Variants in ZNF423 observed in about 807,000 individuals in gnomAD.
ZNF423 encodes zinc finger protein 423, also known as Ebf-associated zinc finger protein.
Under a neutral mutation model 95.8 loss-of-function variants are expected in ZNF423, and 12 were observed. The ratio of observed to expected loss-of-function variants is 0.13; its 90% CI spans 0.08 to 0.20. ZNF423 has a LOEUF of 0.20. Among genes scored for constraint, ZNF423 ranks in the 10% least tolerant of loss-of-function variants. ZNF423 has a pLI of 1.00. For missense variants in ZNF423, 1,316 were observed against 1,737.1 expected (o/e 0.76, Z 4.31); for synonymous variants, 749 against 711.9 (o/e 1.05, Z -0.83).
At chr16:49,604,024 GC>G (rs1391248752) in intron 5 of ZNF423, among the ~76,000 whole-genome samples, 1 of 152,186 alleles carries the variant, frequency 6.6e-6, no homozygotes, top group Non-Finnish European at 1.5e-5. Flanking sequence ...GAGACGAAAG[GC>G]CCTTGGGTGT....
rs1311630664 is a variant in ZNF423 at position 49,719,656 on chromosome 16, C to G, written c.301+11115G>C. Among the ~76,000 whole-genome samples the G allele has an allele frequency of 2.0e-5, 3 of 152,124 alleles. No individual in the cohort carries two copies. In the East Asian group the frequency reaches 5.8e-4, roughly 29 times the overall value. Reference sequence around the variant, plus strand: ...TGTTTAAAAGTGTGTGGCACCTCCCCCTCACCCTATCTCTCCTGATTCACC... The same window carrying G: ...TGTTTAAAAGTGTGTGGCACCTCCCGCTCACCCTATCTCTCCTGATTCACC... On this transcript the variant is annotated intron_variant, in intron 3 of 7. Transcript: ENST00000563137.
chr16:49,581,138 G>A (rs141796898), intron 5 of ZNF423, among the ~76,000 whole-genome samples: 147 of 150,946 alleles, frequency 9.7e-4, no homozygotes, highest in Middle Eastern at 6.8e-3. Context: ...AAGAGAGGCG[G>A]TATGTTCCTC....
chr16:49,691,448 C>T (rs538945585), intron 3 of ZNF423, among the ~76,000 whole-genome samples: 1 of 152,288 alleles, frequency 6.6e-6, no homozygotes, highest in African/African-American at 2.4e-5. Context: ...ACAGAGGATC[C>T]TCGGCCGGGC....
At chr16:49,789,383 G>T in intron 2 of ZNF423, 104 bp downstream of exon 2, 1 of 1,136,904 alleles carries the variant, frequency 8.8e-7, no homozygotes, top group South Asian at 1.4e-5. Flanking sequence ...GCAGGAATGT[G>T]ACACGAAGAA....
intron 2 of ZNF423, among the ~76,000 whole-genome samples, chr16:49,755,908 C>T (rs867179572): frequency 6.6e-6 from 1 of 152,160 alleles, no homozygotes; most frequent in African/African-American, 2.4e-5. Context: ...AGACCCTGTG[C>T]TAGGGACCCG....
At chr16:49,701,268 A>G (rs2032173382) in intron 3 of ZNF423, among the ~76,000 whole-genome samples, 1 of 152,216 alleles carries the variant, frequency 6.6e-6, no homozygotes, top group Admixed American at 6.5e-5. Context: ...GTGTGTGTGT[A>G]GGGTGGGGGA....
chr16:49,604,607 G>C (rs1481896371), intron 5 of ZNF423, among the ~76,000 whole-genome samples: 1 of 152,182 alleles, frequency 6.6e-6, no homozygotes, highest in Non-Finnish European at 1.5e-5. Context: ...TCCTGGGTTT[G>C]TGCAAGAGCT....
intron 7 of ZNF423, among the ~76,000 whole-genome samples, chr16:49,497,336 C>G (rs1034636363): frequency 6.6e-6 from 1 of 152,214 alleles, no homozygotes; most frequent in African/African-American, 2.4e-5. Context: ...TTGAGAAGCT[C>G]CAGCGCCCTC....
intron 3 of ZNF423, among the ~76,000 whole-genome samples, chr16:49,715,258 G>A (rs1047692950): frequency 6.6e-6 from 1 of 152,194 alleles, no homozygotes; most frequent in Admixed American, 6.5e-5. Flanking sequence ...TGTGTTTGGC[G>A]TTGAAGGGAG....
intron 4 of ZNF423, among the ~76,000 whole-genome samples, chr16:49,632,041 A>C: frequency 6.6e-6 from 1 of 152,120 alleles, no homozygotes; most frequent in South Asian, 2.1e-4. Flanking sequence ...ATATCTGTTT[A>C]CTTGGCTGTA....
At chr16:49,509,153 G>A (rs918157897) in intron 7 of ZNF423, among the ~76,000 whole-genome samples, 12 of 152,258 alleles carry the variant, frequency 7.9e-5, no homozygotes, top group African/African-American at 2.9e-4. Flanking sequence ...TCGCTAAGTC[G>A]TCTAGCTGGT....
Position 49,505,582 on chromosome 16 carries a change from C to A in ZNF423, c.3850-14278G>T, listed in dbSNP as rs568994757. Among the ~76,000 whole-genome samples the A allele has an allele frequency of 5.3e-5, 8 of 151,950 alleles. No individual in the cohort carries two copies. In the East Asian group the frequency reaches 1.5e-3, roughly 29 times the overall value. ...CAGGGCAGAAGCTTGTAAGGATGGACCTAATTTGCTGTGATAAATTGTGTG... is the reference window on the plus strand; with the variant it reads ...CAGGGCAGAAGCTTGTAAGGATGGAACTAATTTGCTGTGATAAATTGTGTG... On this transcript the variant is annotated intron_variant, in intron 7 of 7. Transcript: ENST00000563137.
intron 3 of ZNF423, among the ~76,000 whole-genome samples, chr16:49,720,064 C>T (rs1454624946): frequency 1.3e-5 from 2 of 152,188 alleles, no homozygotes; most frequent in African/African-American, 2.4e-5. Flanking sequence ...GAGGGCTTGA[C>T]ACACCATTAC....
chr16:49,539,300 G>A (rs1273574748), intron 5 of ZNF423, among the ~76,000 whole-genome samples: 1 of 152,148 alleles, frequency 6.6e-6, no homozygotes, highest in Non-Finnish European at 1.5e-5. Flanking sequence ...GCTCTGTGGG[G>A]GTGACGCGGT....
At chr16:49,575,469 C>T (rs778010531) in intron 5 of ZNF423, among the ~76,000 whole-genome samples, 16 of 152,296 alleles carry the variant, frequency 1.1e-4, no homozygotes, top group Admixed American at 2.6e-4. Flanking sequence ...ACATCACATC[C>T]GGCCAGCATT....
intron 5 of ZNF423, among the ~76,000 whole-genome samples, chr16:49,532,758 C>T (rs1409336995): frequency 6.6e-6 from 1 of 152,152 alleles, no homozygotes; most frequent in African/African-American, 2.4e-5. Flanking sequence ...ATCTGTGGGC[C>T]ACTTGGGGCC....
chr16:49,760,459 C>G (rs944525565), intron 2 of ZNF423, among the ~76,000 whole-genome samples: 5 of 152,120 alleles, frequency 3.3e-5, no homozygotes, highest in Non-Finnish European at 5.9e-5. Context: ...TTACTTGCCA[C>G]GGACCCATCA....
rs978410820 is a variant in ZNF423 at position 49,624,900 on chromosome 16, T to C, written c.3601+1270A>G. Among the ~76,000 whole-genome samples the C allele has an allele frequency of 3.9e-5, 6 of 152,380 alleles. No homozygotes were observed. In the Middle Eastern group the frequency reaches 0.014, roughly 346 times the overall value. Reference sequence around the variant, plus strand: ...AGCTTCTGAAATGCTGGAAATAGTCTGTTTCTTGATCTGTGTGTGGGTTAC... The same window carrying C: ...AGCTTCTGAAATGCTGGAAATAGTCCGTTTCTTGATCTGTGTGTGGGTTAC... On this transcript the variant is annotated intron_variant, in intron 5 of 7. Coordinates refer to ENST00000563137, the MANE Select transcript of ZNF423 (RefSeq NM_001379286.1).
At chr16:49,743,817 G>A (rs915669006) in intron 2 of ZNF423, among the ~76,000 whole-genome samples, 1 of 152,114 alleles carries the variant, frequency 6.6e-6, no homozygotes, top group Non-Finnish European at 1.5e-5. Context: ...TCCACAAAAA[G>A]CCTTTAAAAA....
Sources: gnomAD v4.1 joint callset for allele counts (sites outside exome capture counted in the v4.1 genomes callset) on GRCh38, gnomAD v4.1.1 for gene constraint, MANE v1.5 for transcripts, NCBI Gene and HGNC (gene_info 2026-07-23, HGNC 2026-07-21) for gene names.